The following PFKP variants were observed in gnomAD, a reference collection of about 807,000 sequenced individuals.
PFKP encodes ATP-dependent 6-phosphofructokinase, platelet type.
In PFKP, 101 loss-of-function variants were observed where a neutral mutation model predicts 94.3. The ratio of observed to expected loss-of-function variants is 1.07; its 90% CI spans 0.91 to 1.26. The LOEUF (loss-of-function observed/expected upper bound fraction) is 1.26, where lower values mean the gene tolerates loss of function less well. Ranked by LOEUF, PFKP falls within the 50% of genes most tolerant of loss-of-function variation. The pLI, the probability that PFKP is intolerant of heterozygous loss-of-function variation, is 0.00. For missense variants in PFKP, 1,145 were observed against 1,103.3 expected (o/e 1.04, Z -0.53); for synonymous variants, 573 against 432.6 (o/e 1.32, Z -4.03).
chr10:3,110,794 G>A (rs1039099624), intron 10 of PFKP, among the ~76,000 whole-genome samples: 2 of 152,180 alleles, frequency 1.3e-5, no homozygotes, highest in African/African-American at 2.4e-5. Context: ...TTATGCATGT[G>A]TGTGCATGTT....
chr10:3,135,588 T>G (rs2131749226), intron 20 of PFKP, 148 bp from the exon 21 acceptor site: 1 of 575,358 alleles, frequency 1.7e-6, no homozygotes, highest in Non-Finnish European at 3.1e-6. Flanking sequence ...CTGGCCCCAC[T>G]GCGCGGCTGT....
intron 16 of PFKP, among the ~76,000 whole-genome samples, chr10:3,128,485 C>G (rs952037198): frequency 3.6e-5 from 5 of 137,402 alleles, no homozygotes; most frequent in Non-Finnish European, 6.4e-5. Context: ...GACCACACAC[C>G]TGGGGCTGGA....
In PFKP at chr10:3,136,536, C is replaced by G; in HGVS notation, c.2312C>G (p.Ser771Trp). 6.2e-7 allele frequency: 1 copy of G among 1,613,576 alleles called. No individual in the cohort carries two copies. Among genetic ancestry groups the G allele is most frequent in the Non-Finnish European group, 8.5e-7 (1 of 1,179,746 alleles). The change falls in exon 22 of 22, where the codon TCG becomes TGG. Residue 771 changes from serine to tryptophan, a missense_variant. Around this residue, in one of 3 missense-constraint regions of PFKP, gnomAD observed 20 missense variants for 19.6 expected, o/e 1.02. Transcript: ENST00000381125. ...LAKYKASYDV[S>W]DSGQLEHVQP... The stretch of plus-strand genomic sequence containing the variant: ...AAGTACAAGGCCAGCTATGACGTGT[C>G]GGACTCAGGCCAGCTGGAACATGTG...
chr10:3,129,507 GCT>G, intron 16 of PFKP: 15 of 367,362 alleles, frequency 4.1e-5, no homozygotes, highest in South Asian at 1.0e-4. Flanking sequence ...GAGTGAGCTG[GCT>G]TGTGGGGTCG....
At chr10:3,072,055 C>G (rs78666492) in intron 1 of PFKP, among the ~76,000 whole-genome samples, 7,078 of 152,264 alleles carry the variant, frequency 0.046, 201 homozygotes, top group Non-Finnish European at 0.057. Flanking sequence ...CCTGGCGCTT[C>G]GCAGGAATGC....
chr10:3,121,811 T>TC (rs1564339214), intron 16 of PFKP, among the ~76,000 whole-genome samples: 1 of 35,576 alleles, frequency 2.8e-5, no homozygotes, highest in South Asian at 1.4e-3. Context: ...TTCTTTTTTT[T>TC]TTTTTTTTTT....
rs187035279 is a variant in PFKP, at chr10:3,134,365, C to T, written c.2023-118C>T. 390 of 692,606 alleles carry T rather than the reference C, an allele frequency of 5.6e-4. No homozygotes were observed. In the African/African-American group the frequency reaches 6.0e-3, roughly 11 times the overall value. 42.9% of individuals were successfully genotyped at this position (692,606 alleles called of 1,614,324 possible). A position where few individuals can be genotyped will look rare whatever the true frequency, so the allele number is the denominator to read the frequency against. ...GGGAATCACAGGTTTTGTTCTGTTCCAACTATAAGGACCTAGAAATAAAAA... is the reference window on the plus strand; with the variant it reads ...GGGAATCACAGGTTTTGTTCTGTTCTAACTATAAGGACCTAGAAATAAAAA... On this transcript the variant is annotated intron_variant, in intron 19 of 21. Transcript: ENST00000381125.
chr10:3,132,275 C>T (rs528488888), intron 17 of PFKP, 105 bp from the exon 18 acceptor site: 61 of 784,558 alleles, frequency 7.8e-5, no homozygotes, highest in Admixed American at 1.9e-4. Context: ...TCCTTGGCCA[C>T]GCTCACTGCC....
Position 3,108,826 on chromosome 10 carries a change from G to T in PFKP, c.963+33G>T, listed in dbSNP as rs201734546. 6.2e-6 allele frequency: 9 copies of T among 1,451,782 alleles called. No individual in the cohort carries two copies. The African/African-American group carries it at 7.0e-5, about 11-fold the overall frequency. 89.9% of individuals were successfully genotyped at this position (1,451,782 alleles called of 1,614,324 possible). A position where few individuals can be genotyped will look rare whatever the true frequency, so the allele number is the denominator to read the frequency against. The stretch of plus-strand genomic sequence containing the variant: ...GGGAAGGGTTGGGCATCTTCACAAG[G>T]TCTCTAGGAGGAAGCGTTTCTGGAG... On this transcript the variant is annotated intron_variant, in intron 9 of 21. Coordinates refer to ENST00000381125, the MANE Select transcript of PFKP (RefSeq NM_002627.5).
At chr10:3,112,843 C>T (rs573568457) in intron 11 of PFKP, among the ~76,000 whole-genome samples, 1 of 152,252 alleles carries the variant, frequency 6.6e-6, no homozygotes, top group Non-Finnish European at 1.5e-5. Flanking sequence ...GCTGGGATTA[C>T]AGGCTTGAGC....
chr10:3,106,147 G>A (rs930762245), intron 7 of PFKP, among the ~76,000 whole-genome samples: 2 of 135,766 alleles, frequency 1.5e-5, no homozygotes, highest in African/African-American at 5.0e-5. Flanking sequence ...GGCCTCCCCT[G>A]GGAGGGCCGG....
Position 3,077,261 on chromosome 10 carries a change from C to CT in PFKP, c.113-5108dup, listed in dbSNP as rs34485324. Among the ~76,000 whole-genome samples, 501 of 84,224 alleles carry CT rather than the reference C, an allele frequency of 5.9e-3. 24 individuals carry two copies. Among genetic ancestry groups the CT allele is most frequent in the African/African-American group, 0.016 (305 of 19,636 alleles). The allele number at this position is 84,224 out of a possible 152,430, so 55.3% of individuals were successfully genotyped here. A position where few individuals can be genotyped will look rare whatever the true frequency, so the allele number is the denominator to read the frequency against. On this transcript the variant is annotated intron_variant, in intron 1 of 21. Coordinates refer to ENST00000381125, the MANE Select transcript of PFKP (RefSeq NM_002627.5). ...CATCTATTCTTTACTTTTTTTTTTTCTTTTTTTTTTTTTTTTTTTGAGATG... is the reference window on the plus strand; with the variant it reads ...CATCTATTCTTTACTTTTTTTTTTTCTTTTTTTTTTTTTTTTTTTTGAGATG...
intron 3 of PFKP, chr10:3,100,863 A>AAAATAAAAAAAAAT (rs1491438670): frequency 1.7e-4 from 27 of 158,270 alleles, no homozygotes; most frequent in Admixed American, 1.3e-3. Context: ...TATGTGGTGC[A>AAAATAAAAAAAAAT]AAAAAAAAAA....
At position 3,133,215 on chromosome 10, in the gene PFKP, C is replaced by T. The variant is rs1440626013; in HGVS notation, c.1923C>T (p.Cys641=). The T allele has an allele frequency of 6.2e-7, 1 of 1,612,858 alleles. No individual in the cohort carries two copies. Among genetic ancestry groups the T allele is most frequent in the South Asian group, 1.1e-5 (1 of 91,060 alleles). ...TCGCTCGTTTCAGAAATGAGAGCTG[C>T]AGTGAAAACTACACCACCGACTTCA... ...QRGLVLRNES[C]SENYTTDFIY... The change falls in exon 19 of 22, where the codon TGC becomes TGT. Residue 641 remains cysteine, a synonymous_variant. Transcript: ENST00000381125.
chr10:3,081,777 T>C (rs1833096493), intron 1 of PFKP, among the ~76,000 whole-genome samples: 1 of 1,358 alleles, frequency 7.4e-4, no homozygotes, highest in South Asian at 0.17. Context: ...ACATTGTAAA[T>C]AGACATGATA....
At chr10:3,120,084 C>G in intron 16 of PFKP, 40 bp downstream of exon 16, 1 of 1,605,796 alleles carries the variant, frequency 6.2e-7, no homozygotes, top group Non-Finnish European at 8.5e-7. Flanking sequence ...CGCCGGCTGA[C>G]GCTAACCCCG....
intron 10 of PFKP, among the ~76,000 whole-genome samples, chr10:3,110,028 T>TTCC (rs1836016156): frequency 1.3e-5 from 2 of 152,096 alleles, no homozygotes; most frequent in Admixed American, 1.3e-4. Flanking sequence ...GACATTCAGG[T>TTCC]CTGTGATGGG....
Position 3,077,302 on chromosome 10 carries a change from A to C in PFKP, c.113-5086A>C, listed in dbSNP as rs1324933408. ...TTTTGAGATGGAATCTCACTCTGTC[A>C]CCAGGCTGGAGTGTAGTGGCGCAAT... On this transcript the variant is annotated intron_variant, in intron 1 of 21. Transcript: ENST00000381125. Among the ~76,000 whole-genome samples, 3 of 113,294 alleles carry C rather than the reference A, an allele frequency of 2.6e-5. No individual in the cohort carries two copies. In the East Asian group the frequency reaches 7.8e-4, roughly 30 times the overall value. 74.3% of individuals were successfully genotyped at this position (113,294 alleles called of 152,430 possible). A position where few individuals can be genotyped will look rare whatever the true frequency, so the allele number is the denominator to read the frequency against.
chr10:3,105,246 A>G (rs946848663), intron 6 of PFKP, 87 bp downstream of exon 6: 1 of 1,403,906 alleles, frequency 7.1e-7, no homozygotes, highest in African/African-American at 1.4e-5. Flanking sequence ...CACATCCTGA[A>G]TGCTCCCGTG....
Sources: allele counts gnomAD v4.1 joint callset (sites outside exome capture counted in the v4.1 genomes callset), GRCh38; gene constraint gnomAD v4.1.1; regional missense constraint gnomAD v4.1.1; transcripts MANE v1.5; gene names NCBI Gene and HGNC (gene_info 2026-07-23, HGNC 2026-07-21).